CNTN3: variants seen among roughly 807,000 people sequenced by gnomAD.
The protein encoded by CNTN3 is contactin 3, also known as contactin-3.
A neutral mutation model predicts 119.1 loss-of-function variants in CNTN3; 60 were observed. That is an observed-to-expected ratio of 0.50 (90% CI 0.41 to 0.62). CNTN3 has a LOEUF of 0.62. Ranked by LOEUF, CNTN3 falls within the 20% of genes least tolerant of loss-of-function variation. The probability of loss-of-function intolerance (pLI) is 0.00; values close to 1 mark genes in which losing one functional copy is unlikely to be tolerated. For synonymous variants in CNTN3, 450 were observed against 438.7 expected (o/e 1.03, Z -0.32); for missense variants, 1,101 against 1,242.4 (o/e 0.89, Z 1.71).
intron 17 of CNTN3, 122 bp from the exon 18 acceptor site, chr3:74,298,313 G>GC: frequency 1.9e-6 from 1 of 537,566 alleles, no homozygotes. Context: ...ATTGTATTAA[G>GC]CAGTTGCATG....
At chr3:74,265,528 C>T (rs2106738259) in intron 22 of CNTN3, among the ~76,000 whole-genome samples, 2 of 152,238 alleles carry the variant, frequency 1.3e-5, no homozygotes, top group South Asian at 4.1e-4. Context: ...ATGGGTTCTG[C>T]AGACTTTTAC....
At chr3:74,315,781 C>T (rs79310397) in intron 13 of CNTN3, among the ~76,000 whole-genome samples, 1 of 152,098 alleles carries the variant, frequency 6.6e-6, no homozygotes, top group African/African-American at 2.4e-5. Flanking sequence ...AAGCTGGACC[C>T]TTCCCTATCA....
In CNTN3 at chr3:74,512,548, A is replaced by G. The variant is rs144426983; in HGVS notation, c.55+8510T>C. On this transcript the variant is annotated intron_variant, in intron 2 of 22. Transcript: ENST00000263665. ...AAGCAATATCAATGGGAAACTCAAC[A>G]AAATAAGCAGCAAAGAGCTTTCAAA... Among the ~76,000 whole-genome samples, 421 of 152,212 alleles carry G rather than the reference A, an allele frequency of 2.8e-3. 4 individuals carry two copies. Among genetic ancestry groups the G allele is most frequent in the Admixed American group, 0.018 (274 of 15,264 alleles).
intron 3 of CNTN3, 28 bp from the exon 4 acceptor site, chr3:74,486,659 C>G (rs201352267): frequency 8.7e-6 from 13 of 1,485,840 alleles, no homozygotes; most frequent in Non-Finnish European, 1.2e-5. Flanking sequence ...AGGTTCCCCC[C>G]CCTTAGTATT....
At chr3:74,312,455 CAAAAAA>C (rs745514119) in intron 13 of CNTN3, among the ~76,000 whole-genome samples, 1 of 27,808 alleles carries the variant, frequency 3.6e-5, no homozygotes, top group African/African-American at 1.3e-4. Flanking sequence ...GACTCCATCT[CAAAAAA>C]AAAAAAAAAA....
chr3:74,299,608 T>C (rs1353001640), intron 17 of CNTN3, among the ~76,000 whole-genome samples: 1 of 152,200 alleles, frequency 6.6e-6, no homozygotes, highest in African/African-American at 2.4e-5. Flanking sequence ...GGAAAATACA[T>C]GCTAAATGCT....
rs772514223 is a variant in CNTN3, at chr3:74,298,125, C to A, written c.2233G>T (p.Val745Phe). ...ACCACTGTCTGGATCCAGGTGGTAA[C>A]CCCAAGAGGGCGGAAAGCAACAACA... ...GYVVAFRPLG[V>F]TTWIQTVVTS... is the part of the protein sequence containing the mutation. The change falls in exon 18 of 23, where the codon GTT becomes TTT. Residue 745 changes from valine (V) to phenylalanine (F), a missense_variant. Coordinates refer to ENST00000263665, the MANE Select transcript of CNTN3 (RefSeq NM_020872.3). The A allele has an allele frequency of 1.5e-5, 24 of 1,613,048 alleles. No individual in the cohort carries two copies. In the South Asian group the frequency reaches 2.2e-4, roughly 15 times the overall value.
chr3:74,429,677 T>G, intron 4 of CNTN3, among the ~76,000 whole-genome samples: 1 of 152,154 alleles, frequency 6.6e-6, no homozygotes, highest in Admixed American at 6.5e-5. Flanking sequence ...CCATGAAAGC[T>G]CAAGCAAAGA....
chr3:74,468,225 T>C (rs761011231), intron 4 of CNTN3, among the ~76,000 whole-genome samples: 9 of 152,194 alleles, frequency 5.9e-5, no homozygotes, highest in Non-Finnish European at 1.2e-4. Flanking sequence ...ATATAACATG[T>C]TTTGTATTCA....
intron 20 of CNTN3, among the ~76,000 whole-genome samples, chr3:74,275,186 T>C (rs1433740989): frequency 6.6e-6 from 1 of 152,184 alleles, no homozygotes; most frequent in Non-Finnish European, 1.5e-5. Flanking sequence ...ATAATCGGCA[T>C]TCCTAAGAAG....
At chr3:74,610,827 A>G (rs1417338808) in intron 1 of CNTN3, among the ~76,000 whole-genome samples, 3 of 152,080 alleles carry the variant, frequency 2.0e-5, no homozygotes, top group Non-Finnish European at 4.4e-5. Flanking sequence ...CAGGGTTAGA[A>G]CCAAAAGGAC....
At chr3:74,377,571 C>T (rs1704509941) in intron 5 of CNTN3, among the ~76,000 whole-genome samples, 2 of 152,192 alleles carry the variant, frequency 1.3e-5, no homozygotes, top group South Asian at 4.1e-4. Context: ...ACAAGCTAGT[C>T]TTTACAAAAC....
At chr3:74,552,874 C>T (rs747375878) in intron 1 of CNTN3, among the ~76,000 whole-genome samples, 24 of 152,142 alleles carry the variant, frequency 1.6e-4, no homozygotes, top group African/African-American at 5.6e-4. Flanking sequence ...ACTTCTGCCA[C>T]GATTGGAAGT....
At chr3:74,523,925 C>G (rs1703578907) in intron 1 of CNTN3, among the ~76,000 whole-genome samples, 1 of 151,876 alleles carries the variant, frequency 6.6e-6, no homozygotes, top group African/African-American at 2.4e-5. Context: ...TACCCTTTCA[C>G]AGGAGGCTTT....
At chr3:74,597,827 T>C (rs183791930) in intron 1 of CNTN3, among the ~76,000 whole-genome samples, 63 of 152,190 alleles carry the variant, frequency 4.1e-4, no homozygotes, top group African/African-American at 1.5e-3. Flanking sequence ...GTGGTAATGA[T>C]GAAGAAAATA....
intron 5 of CNTN3, among the ~76,000 whole-genome samples, chr3:74,419,580 G>A (rs1701585430): frequency 6.6e-6 from 1 of 152,146 alleles, no homozygotes; most frequent in South Asian, 2.1e-4. Flanking sequence ...CAAGGGCTAT[G>A]TTGTTATAAT....
chr3:74,432,357 T>C (rs1575719485), intron 4 of CNTN3, among the ~76,000 whole-genome samples: 1 of 140,942 alleles, frequency 7.1e-6, no homozygotes, highest in East Asian at 2.1e-4. Context: ...ACACATAAAA[T>C]ACATTAACAC....
At chr3:74,562,937 T>A (rs1314066427) in intron 1 of CNTN3, among the ~76,000 whole-genome samples, 1 of 152,134 alleles carries the variant, frequency 6.6e-6, no homozygotes, top group African/African-American at 2.4e-5. Flanking sequence ...AAGAGACACT[T>A]AGGCAGCCCT....
intron 22 of CNTN3, among the ~76,000 whole-genome samples, chr3:74,265,488 A>G (rs1288970853): frequency 6.6e-6 from 1 of 152,186 alleles, no homozygotes; most frequent in African/African-American, 2.4e-5. Context: ...ATTGAAGTGC[A>G]TACAGTTTTA....
Sources: gnomAD v4.1 joint callset for allele counts (sites outside exome capture counted in the v4.1 genomes callset) on GRCh38, gnomAD v4.1.1 for gene constraint, MANE v1.5 for transcripts, NCBI Gene and HGNC (gene_info 2026-07-23, HGNC 2026-07-21) for gene names.